TAPBPL: variants seen among roughly 807,000 people sequenced by gnomAD.
TAPBPL encodes tapasin-related protein.
Under a neutral mutation model 44.8 loss-of-function variants are expected in TAPBPL, and 32 were observed. The observed-to-expected ratio is 0.71, with a 90% confidence interval of 0.54 to 0.96. The LOEUF (loss-of-function observed/expected upper bound fraction) is 0.96. Ranked by LOEUF, TAPBPL falls within the 40% of genes least tolerant of loss-of-function variation. The probability of loss-of-function intolerance (pLI) is 0.00; values close to 1 mark genes in which losing one functional copy is unlikely to be tolerated. For synonymous variants in TAPBPL, 230 were observed against 240.7 expected (o/e 0.96, Z 0.41); for missense variants, 520 against 586.6 (o/e 0.89, Z 1.17).
upstream of TAPBPL, chr12:6,451,748 T>G: frequency 3.7e-6 from 1 of 270,960 alleles, no homozygotes; most frequent in Non-Finnish European, 7.1e-6. Flanking sequence ...GAAATCCCAG[T>G]CCCAAAATCC....
downstream of TAPBPL, chr12:6,466,008 G>A (rs935168915): frequency 6.2e-7 from 1 of 1,614,120 alleles, no homozygotes; most frequent in Middle Eastern, 1.7e-4. Flanking sequence ...CACCTGAGGA[G>A]GGCACAGAAA....
downstream of TAPBPL, chr12:6,463,309 G>C: frequency 8.2e-7 from 1 of 1,213,636 alleles, no homozygotes. This position sits in a 1 kb window ranked among gnomAD's most constrained non-coding sequence, Gnocchi z 4.0. Flanking sequence ...CCTGACACAG[G>C]CTGGCACGCC....
Position 6,453,333 on chromosome 12 carries a change from G to C in TAPBPL, c.295+36G>C, listed in dbSNP as rs1949613568. On this transcript the variant is annotated intron_variant, in intron 2 of 6. Coordinates refer to ENST00000266556, the MANE Select transcript of TAPBPL (RefSeq NM_018009.5). The surrounding 1 kb of genome is among the most constrained non-coding windows in gnomAD (Gnocchi z 4.8). ...TCCACCTGTGTCCTTGGTCCTCCCGGGCTCCCTCCACCAGGACAGCCCAGG... is the reference window on the plus strand; with the variant it reads ...TCCACCTGTGTCCTTGGTCCTCCCGCGCTCCCTCCACCAGGACAGCCCAGG... The C allele has an allele frequency of 6.2e-7, 1 of 1,611,404 alleles. No individual in the cohort carries two copies. Among genetic ancestry groups the C allele is most frequent in the African/African-American group, 1.3e-5 (1 of 74,868 alleles).
downstream of TAPBPL, chr12:6,464,367 G>A: frequency 6.4e-7 from 1 of 1,552,042 alleles, no homozygotes; most frequent in Non-Finnish European, 8.7e-7. Context: ...AGCCTGGGCT[G>A]GAATGGAGGA....
At chr12:6,466,631 G>A, downstream of TAPBPL, 1 of 271,390 alleles carries the variant, frequency 3.7e-6, no homozygotes, top group South Asian at 5.0e-5. Flanking sequence ...GCAATCTGAA[G>A]TAGGGAGACA....
At chr12:6,470,627 A>G (rs963558508), downstream of TAPBPL, 87 of 1,544,116 alleles carry the variant, frequency 5.6e-5, 1 homozygote, top group Non-Finnish European at 7.5e-5. Context: ...GGAACTGCCA[A>G]GCTCCGCCTC....
In TAPBPL at chr12:6,457,477, G is replaced by A. The variant is rs1159033035; in HGVS notation, c.637G>A (p.Gly213Ser). 3.1e-6 allele frequency: 5 copies of A among 1,614,128 alleles called. No homozygotes were observed. In the African/African-American group the frequency reaches 6.7e-5, roughly 22 times the overall value. Reference sequence around the variant, plus strand: ...GGGGTCCTCAGCCTCCTTGGACTGTGGCTTCTCCATGGCACCGGGCTTGGA... The same window carrying A: ...GGGGTCCTCAGCCTCCTTGGACTGTAGCTTCTCCATGGCACCGGGCTTGGA... ...LLGSSASLDC[G>S]FSMAPGLDLI... Residue 213 changes from glycine to serine, a missense_variant, in exon 4 of 7, where the codon GGC (glycine) becomes AGC (serine). Physicochemically the swap from Gly to Ser is moderately conservative, Grantham distance 56. Transcript: ENST00000266556.
At chr12:6,462,351 G>A (rs1440130791), downstream of TAPBPL, 5 of 530,636 alleles carry the variant, frequency 9.4e-6, no homozygotes, top group East Asian at 1.2e-4. Context: ...ACAAGTATGA[G>A]ATCAGGGTTA....
chr12:6,464,151 A>G (rs1363004389), downstream of TAPBPL: 4 of 1,405,980 alleles, frequency 2.8e-6, no homozygotes, highest in Admixed American at 6.4e-5. Context: ...ACTTCGCCTC[A>G]GCCACTCCCC....
At chr12:6,460,996 C>A in intron 6 of TAPBPL, 58 bp downstream of exon 6, 18 of 1,609,984 alleles carry the variant, frequency 1.1e-5, no homozygotes, top group Non-Finnish European at 1.4e-5. Flanking sequence ...CTCTAACCAC[C>A]CCCCCGCCCA....
downstream of TAPBPL, among the ~76,000 whole-genome samples, chr12:6,468,355 A>T (rs140825588): frequency 2.6e-5 from 4 of 152,352 alleles, no homozygotes; most frequent in South Asian, 8.3e-4. Flanking sequence ...CAGGGCTGCC[A>T]TAAGGGCAGC....
intron 4 of TAPBPL, 42 bp from the exon 5 acceptor site, chr12:6,458,601 CCA>C (rs1371202740): frequency 1.9e-6 from 3 of 1,597,602 alleles, no homozygotes; most frequent in Non-Finnish European, 1.7e-6. Flanking sequence ...TCCGCTGTCC[CCA>C]GTTAGATCCA....
chr12:6,458,764 G>A lies in TAPBPL; in HGVS notation c.1024G>A (p.Gly342Arg), dbSNP rs1175648684. Residue 342 changes from glycine to arginine, a missense_variant, in exon 5 of 7, where the codon GGA (glycine) becomes AGA (arginine). Physicochemically the swap from Gly to Arg is moderately radical, Grantham distance 125. Coordinates refer to ENST00000266556, the MANE Select transcript of TAPBPL (RefSeq NM_018009.5). The part of the protein sequence containing the change: ...VVTWTREELG[G>R]SPAQVSGASF... Reference sequence around the variant, plus strand: ...GACGTGGACCCGAGAGGAGCTGGGTGGATCCCCAGCCCAAGTCTCTGGTGC... The same window carrying A: ...GACGTGGACCCGAGAGGAGCTGGGTAGATCCCCAGCCCAAGTCTCTGGTGC... 1.2e-6 allele frequency: 2 copies of A among 1,614,046 alleles called. No homozygotes were observed. The highest frequency in any genetic ancestry group is 1.7e-6 in the Non-Finnish European group (2 of 1,180,044).
At position 6,453,293 on chromosome 12, in the gene TAPBPL, C is replaced by G; in HGVS notation, c.291C>G (p.Ala97=). 6.2e-7 allele frequency: 1 copy of G among 1,613,790 alleles called. No homozygotes were observed. Among genetic ancestry groups the G allele is most frequent in the Non-Finnish European group, 8.5e-7 (1 of 1,179,890 alleles). ...ATGACCCACCTATTATCTTTGAGGCCTCAGGTAAAAGCCTTCCACCTGTGT... is the reference window on the plus strand; with the variant it reads ...ATGACCCACCTATTATCTTTGAGGCGTCAGGTAAAAGCCTTCCACCTGTGT... The part of the protein sequence containing the change: ...AQDDPPIIFE[A]SVDLVQIPQA... The change falls in exon 2 of 7, where the codon GCC becomes GCG. Residue 97 remains alanine (A), a synonymous_variant. Transcript: ENST00000266556. The surrounding 1 kb of genome is among the most constrained non-coding windows in gnomAD (Gnocchi z 4.8).
chr12:6,461,363 C>G, intron 6 of TAPBPL: 1 of 1,018,800 alleles, frequency 9.8e-7, no homozygotes. Context: ...GCAGAATGTC[C>G]AGATGGAGGA....
downstream of TAPBPL, among the ~76,000 whole-genome samples, chr12:6,467,864 G>C (rs1337689200): frequency 2.0e-5 from 3 of 152,242 alleles, no homozygotes; most frequent in African/African-American, 7.2e-5. Flanking sequence ...GGCTTCAGAG[G>C]GTGGAAGCCC....
At chr12:6,470,709 G>A, downstream of TAPBPL, 1 of 741,966 alleles carries the variant, frequency 1.3e-6, no homozygotes, top group Non-Finnish European at 2.3e-6. Context: ...GCCTTTATTA[G>A]TGCTGACCAC....
chr12:6,462,622 C>A, downstream of TAPBPL: 1 of 629,380 alleles, frequency 1.6e-6, no homozygotes, highest in Non-Finnish European at 2.8e-6. Flanking sequence ...ACCTGGTGAG[C>A]CTCAGAGGGA....
At chr12:6,461,340 G>A in intron 6 of TAPBPL, 1 of 1,028,572 alleles carries the variant, frequency 9.7e-7, no homozygotes, top group South Asian at 3.4e-5. Context: ...AGAAGTGAGG[G>A]GACAAGAAGA....
Sources: gnomAD v4.1 joint callset for allele counts (sites outside exome capture counted in the v4.1 genomes callset) on GRCh38, gnomAD v4.1.1 for gene constraint, Gnocchi (gnomAD v3.1) non-coding constraint, MANE v1.5 for transcripts, NCBI Gene and HGNC (gene_info 2026-07-23, HGNC 2026-07-21) for gene names.